CHST11: variants seen among roughly 807,000 people sequenced by gnomAD.
The protein encoded by CHST11 is C4S-1.
CHST11 carries 9 observed loss-of-function variants against 30.4 expected under a neutral mutation model. The ratio of observed to expected loss-of-function variants is 0.30; its 90% CI spans 0.18 to 0.52. CHST11 has a LOEUF of 0.52. CHST11 is among the 20% of genes least tolerant of loss of function. The pLI, the probability that CHST11 is intolerant of heterozygous loss-of-function variation, is 0.97. For missense variants in CHST11, 348 were observed against 460.6 expected, an observed-to-expected ratio of 0.76 and a Z score of 2.24; for synonymous variants, 152 against 187.8, an observed-to-expected ratio of 0.81 and a Z score of 1.56.
At chr12:104,701,188 T>A (rs2039988360) in intron 2 of CHST11, among the ~76,000 whole-genome samples, 1 of 152,042 alleles carries the variant, frequency 6.6e-6, no homozygotes, top group Non-Finnish European at 1.5e-5. Flanking sequence ...CGGGCCAAAG[T>A]TAACTAACCT....
intron 2 of CHST11, among the ~76,000 whole-genome samples, chr12:104,723,181 G>A (rs1312361313): frequency 3.3e-5 from 5 of 152,112 alleles, no homozygotes; most frequent in Non-Finnish European, 7.3e-5. Flanking sequence ...TGACAACAAC[G>A]GCAGCTGGGC....
intron 2 of CHST11, among the ~76,000 whole-genome samples, chr12:104,647,568 G>T (rs1336033668): frequency 2.6e-5 from 4 of 152,010 alleles, no homozygotes; most frequent in African/African-American, 7.2e-5. Flanking sequence ...ATTCTATCTT[G>T]TTCCTTTCAT....
chr12:104,573,673 C>G (rs1054204848), intron 1 of CHST11, among the ~76,000 whole-genome samples: 13 of 152,218 alleles, frequency 8.5e-5, no homozygotes, highest in Non-Finnish European at 1.6e-4. Flanking sequence ...AAAGCTAAAA[C>G]TGGATCCCTT....
chr12:104,474,636 C>T (rs1055501240), intron 1 of CHST11, among the ~76,000 whole-genome samples: 55 of 152,306 alleles, frequency 3.6e-4, no homozygotes, highest in African/African-American at 1.3e-3. Flanking sequence ...CAGCAACATT[C>T]CTTTTTTATT....
intron 2 of CHST11, among the ~76,000 whole-genome samples, chr12:104,623,214 C>A (rs774471817): frequency 6.6e-6 from 1 of 152,342 alleles, no homozygotes; most frequent in Non-Finnish European, 1.5e-5. Context: ...AGCCTCACCA[C>A]ACTGCAAGGG....
intron 2 of CHST11, among the ~76,000 whole-genome samples, chr12:104,750,476 C>G (rs2040422450): frequency 1.2e-5 from 1 of 84,234 alleles, no homozygotes; most frequent in Admixed American, 1.8e-4. Flanking sequence ...GAGTCTCGCT[C>G]TGTCACCCAG....
At chr12:104,553,880 A>T (rs2038429834) in intron 1 of CHST11, among the ~76,000 whole-genome samples, 1 of 152,190 alleles carries the variant, frequency 6.6e-6, no homozygotes, top group Non-Finnish European at 1.5e-5. Context: ...CATGAGCACA[A>T]CTTAGATGGG....
At chr12:104,590,693 G>T (rs564974347) in intron 1 of CHST11, among the ~76,000 whole-genome samples, 46 of 151,914 alleles carry the variant, frequency 3.0e-4, no homozygotes, top group Non-Finnish European at 5.2e-4. Context: ...AGACTGAGGC[G>T]GGCAGATCAC....
intron 2 of CHST11, among the ~76,000 whole-genome samples, chr12:104,678,816 G>A (rs927845779): frequency 3.3e-5 from 5 of 152,086 alleles, no homozygotes; most frequent in African/African-American, 4.8e-5. Flanking sequence ...TCAGGCTCTC[G>A]GTTACGTTTG....
chr12:104,457,873 G>A lies in CHST11; in HGVS notation c.118+344G>A, dbSNP rs529671147. On this transcript the variant is annotated intron_variant, in intron 1 of 2. Coordinates refer to ENST00000303694, the MANE Select transcript of CHST11 (RefSeq NM_018413.6). Reference sequence around the variant, plus strand: ...GGTAGCAGGGAAACGGAGAGGTGTGGGAAGCAACCGGGGGTGAGGGGCTGG... The same window carrying A: ...GGTAGCAGGGAAACGGAGAGGTGTGAGAAGCAACCGGGGGTGAGGGGCTGG... Among the ~76,000 whole-genome samples the A allele has an allele frequency of 8.6e-5, 13 of 151,932 alleles. No homozygotes were observed. In the East Asian group the frequency reaches 2.3e-3, roughly 27 times the overall value.
At chr12:104,713,652 G>A (rs1391184381) in intron 2 of CHST11, among the ~76,000 whole-genome samples, 4 of 152,124 alleles carry the variant, frequency 2.6e-5, no homozygotes. Context: ...GCCGTGCTGG[G>A]CCACTCTTCT....
chr12:104,677,675 A>AT (rs1371765254), intron 2 of CHST11, among the ~76,000 whole-genome samples: 1 of 152,252 alleles, frequency 6.6e-6, no homozygotes, highest in African/African-American at 2.4e-5. Context: ...AATTTGGTCC[A>AT]TTTGCAGATT....
At chr12:104,677,093 C>T (rs1012846901) in intron 2 of CHST11, among the ~76,000 whole-genome samples, 3 of 152,206 alleles carry the variant, frequency 2.0e-5, no homozygotes, top group South Asian at 2.1e-4. Context: ...ACCAGTTTTG[C>T]GTGACTGTTG....
chr12:104,752,176 C>A (rs1244543285), intron 2 of CHST11, among the ~76,000 whole-genome samples: 1 of 152,206 alleles, frequency 6.6e-6, no homozygotes, highest in Non-Finnish European at 1.5e-5. Flanking sequence ...CTCTTCCCAG[C>A]TGCTGGTGGT....
chr12:104,624,734 A>G (rs1389456993), intron 2 of CHST11, among the ~76,000 whole-genome samples: 2 of 152,196 alleles, frequency 1.3e-5, no homozygotes, highest in African/African-American at 2.4e-5. Context: ...TCAGACTGCC[A>G]TAACAACATA....
At chr12:104,646,499 C>T (rs570401863) in intron 2 of CHST11, among the ~76,000 whole-genome samples, 9 of 152,178 alleles carry the variant, frequency 5.9e-5, no homozygotes, top group East Asian at 5.8e-4. Flanking sequence ...TTTGGGAGGC[C>T]GAGGTGGGTG....
chr12:104,732,975 A>G (rs565912735), intron 2 of CHST11, among the ~76,000 whole-genome samples: 3 of 152,278 alleles, frequency 2.0e-5, no homozygotes, highest in African/African-American at 4.8e-5. Context: ...TGAACTTGAC[A>G]TGCATCGTCT....
At chr12:104,651,537 C>T (rs943835679) in intron 2 of CHST11, among the ~76,000 whole-genome samples, 5 of 152,128 alleles carry the variant, frequency 3.3e-5, no homozygotes, top group Non-Finnish European at 7.4e-5. Context: ...AAGCCCAGAC[C>T]TCTCTTGCTC....
At chr12:104,642,961 G>A (rs531699930) in intron 2 of CHST11, among the ~76,000 whole-genome samples, 10 of 151,950 alleles carry the variant, frequency 6.6e-5, no homozygotes, top group Non-Finnish European at 1.3e-4. Flanking sequence ...GTATTTTAAG[G>A]AACACATTGT....
Sources: allele counts gnomAD v4.1 joint callset (sites outside exome capture counted in the v4.1 genomes callset), GRCh38; gene constraint gnomAD v4.1.1; transcripts MANE v1.5; gene names NCBI Gene and HGNC (gene_info 2026-07-23, HGNC 2026-07-21).